The following SPO11 variants were observed in gnomAD, a reference collection of about 807,000 sequenced individuals.
SPO11 encodes the protein meiotic recombination protein SPO11.
SPO11 carries 49 observed loss-of-function variants against 51.6 expected under a neutral mutation model. That is an observed-to-expected ratio of 0.95 (90% CI 0.75 to 1.20). The LOEUF (loss-of-function observed/expected upper bound fraction) is 1.20, where lower values mean the gene tolerates loss of function less well. Among genes scored for constraint, SPO11 ranks in the 50% most tolerant of loss-of-function variants. SPO11 has a pLI of 0.00. For synonymous variants in SPO11, 176 were observed against 158.2 expected (o/e 1.11, Z -0.84); for missense variants, 431 against 473.4 (o/e 0.91, Z 0.83).
chr20:57,342,894 G>A, intron 12 of SPO11, 54 bp downstream of exon 12: 2 of 1,224,206 alleles, frequency 1.6e-6, no homozygotes, highest in East Asian at 2.4e-5. Flanking sequence ...TTTTACTTTA[G>A]TAGTGGCTAT....
At chr20:57,341,423 T>C (rs957989988) in intron 11 of SPO11, among the ~76,000 whole-genome samples, 2 of 152,230 alleles carry the variant, frequency 1.3e-5, no homozygotes, top group Non-Finnish European at 2.9e-5. Context: ...AGTCCACCTG[T>C]CCCTCAGCTT....
chr20:57,332,079 T>C, intron 2 of SPO11, 133 bp downstream of exon 2: 1 of 517,222 alleles, frequency 1.9e-6, no homozygotes, highest in Non-Finnish European at 3.3e-6. Flanking sequence ...TTAGGAAGTT[T>C]ACGAAATACA....
rs1485432310 is a variant in SPO11, at chr20:57,329,851, G to A, written c.-17G>A. ...TAGGACAGGGGCTTCTGGAGCTTCT[G>A]GCAGCCGTCTGCCCTCATGGCCTTT... is the stretch of plus-strand genomic sequence containing the variant. On this transcript the variant is annotated 5_prime_UTR_variant, in exon 1 of 13. Coordinates refer to ENST00000371263, the MANE Select transcript of SPO11 (RefSeq NM_012444.3). 6.2e-7 allele frequency: 1 copy of A among 1,605,842 alleles called. No homozygotes were observed. Among genetic ancestry groups the A allele is most frequent in the East Asian group, 2.2e-5 (1 of 44,722 alleles).
intron 5 of SPO11, among the ~76,000 whole-genome samples, chr20:57,334,389 C>T (rs1020824506): frequency 6.6e-6 from 1 of 152,070 alleles, no homozygotes; most frequent in African/African-American, 2.4e-5. Context: ...CTCCTGACCT[C>T]GTGATCCACC....
chr20:57,338,028 C>T lies in SPO11; in HGVS notation c.745-248C>T, dbSNP rs912649512. Among the ~76,000 whole-genome samples, 3 of 151,866 alleles carry T rather than the reference C, an allele frequency of 2.0e-5. No homozygotes were observed. In the Middle Eastern group the frequency reaches 0.01, roughly 520 times the overall value. ...TCAGCCTCCCGAGTACCTGGGATTA[C>T]AGGCGTGTACCACCACACCTGGCTA... On this transcript the variant is annotated intron_variant, in intron 8 of 12. Coordinates refer to ENST00000371263, the MANE Select transcript of SPO11 (RefSeq NM_012444.3).
intron 11 of SPO11, among the ~76,000 whole-genome samples, chr20:57,341,201 A>G (rs181716081): frequency 1.3e-5 from 2 of 152,332 alleles, no homozygotes; most frequent in African/African-American, 4.8e-5. Flanking sequence ...TTATTCAGCC[A>G]TTCCCTCATA....
intron 8 of SPO11, among the ~76,000 whole-genome samples, chr20:57,336,423 A>G (rs1306452763): frequency 6.6e-6 from 1 of 152,130 alleles, no homozygotes; most frequent in Non-Finnish European, 1.5e-5. Flanking sequence ...ACCACCTGGT[A>G]GCCTCCAGAC....
Position 57,334,784 on chromosome 20 carries a change from T to G in SPO11, c.545T>G (p.Leu182Ter), listed in dbSNP as rs1312355379. The stretch of plus-strand genomic sequence containing the variant: ...TCAAAAGGTTTAATTGCTGGCAACT[T>G]AAGATACATCGAGGAAGATGGCACC... Reference protein sequence around the residue: ...STSKGLIAGNLRYIEEDGTKV... With the variant: ...STSKGLIAGN Residue 182 changes from leucine (L) to a stop codon, truncating the protein, a stop_gained, in exon 6 of 13, where the codon TTA (leucine) becomes TGA (stop). Transcript: ENST00000371263. LOFTEE classifies it high-confidence loss of function. 6.2e-7 allele frequency: 1 copy of G among 1,613,920 alleles called. No homozygotes were observed. The highest frequency in any genetic ancestry group is 8.5e-7 in the Non-Finnish European group (1 of 1,179,878).
At position 57,331,900 on chromosome 20, in the gene SPO11, G is replaced by A. The variant is rs781125742; in HGVS notation, c.199G>A (p.Ala67Thr). Residue 67 changes from alanine (A) to threonine (T), a missense_variant, in exon 2 of 13, where the codon GCA becomes ACA. By Grantham distance (58) the Ala-to-Thr change is moderately conservative (BLOSUM62 0). Around this residue, in one of 3 missense-constraint regions of SPO11, gnomAD observed 405 missense variants for 425.9 expected, o/e 0.95. Coordinates refer to ENST00000371263, the MANE Select transcript of SPO11 (RefSeq NM_012444.3). ...AATCACAAGCTTGGCAAGAAATGAA[G>A]CACCTGCATTCACGATAGACAACAG... ...DIITSLARNE[A>T]PAFTIDNRSS... The A allele has an allele frequency of 6.2e-7, 1 of 1,605,330 alleles. No homozygotes were observed. Among genetic ancestry groups the A allele is most frequent in the East Asian group, 2.2e-5 (1 of 44,490 alleles).
At position 57,335,730 on chromosome 20, in the gene SPO11, C is replaced by T; in HGVS notation, c.635-68C>T. On this transcript the variant is annotated intron_variant, in intron 7 of 12. Coordinates refer to ENST00000371263, the MANE Select transcript of SPO11 (RefSeq NM_012444.3). ...AGCTGCTTTTGAATTATCTATATGG[C>T]ACCTTAATTTAGTTGGTGATTAAAT... 5 of 953,700 alleles carry T rather than the reference C, an allele frequency of 5.2e-6. No individual in the cohort carries two copies. In the East Asian group the frequency reaches 9.8e-5, roughly 19 times the overall value. 59.1% of individuals were successfully genotyped at this position (953,700 alleles called of 1,614,324 possible). A position where few individuals can be genotyped will look rare whatever the true frequency, so the allele number is the denominator to read the frequency against.
At chr20:57,331,688 C>G in intron 1 of SPO11, 145 bp from the exon 2 acceptor site, 2 of 421,012 alleles carry the variant, frequency 4.8e-6, no homozygotes. Flanking sequence ...TTTTTTTTGT[C>G]TTTTTTTAAA....
intron 8 of SPO11, among the ~76,000 whole-genome samples, chr20:57,337,210 G>A (rs2066523235): frequency 6.6e-6 from 1 of 151,858 alleles, no homozygotes; most frequent in Non-Finnish European, 1.5e-5. Context: ...TGTTTCATTT[G>A]GTTTTCTGCT....
At chr20:57,343,295 T>C (rs772080202) in intron 12 of SPO11, 46 bp from the exon 13 acceptor site, 2 of 1,592,262 alleles carry the variant, frequency 1.3e-6, no homozygotes, top group Non-Finnish European at 1.7e-6. Context: ...TTGACAGAAA[T>C]GCAACTAAGA....
At chr20:57,334,139 GT>G (rs1568758803) in intron 5 of SPO11, 44 bp downstream of exon 5, 2 of 926,644 alleles carry the variant, frequency 2.2e-6, no homozygotes, top group South Asian at 4.6e-5. Flanking sequence ...AAAACAAAAT[GT>G]TTGTATAAAA....
intron 4 of SPO11, 54 bp downstream of exon 4, chr20:57,333,807 T>C: frequency 8.9e-7 from 1 of 1,128,998 alleles, no homozygotes; most frequent in Non-Finnish European, 1.3e-6. Flanking sequence ...GAGAAATAGT[T>C]GGATTAACTT....
intron 2 of SPO11, among the ~76,000 whole-genome samples, chr20:57,332,589 A>G (rs899664690): frequency 2.0e-5 from 3 of 152,218 alleles, no homozygotes; most frequent in Admixed American, 1.3e-4. Context: ...TATGATCTAT[A>G]TAAGTAATAT....
chr20:57,332,820 A>T (rs915462479), intron 2 of SPO11, among the ~76,000 whole-genome samples: 1 of 152,206 alleles, frequency 6.6e-6, no homozygotes, highest in Non-Finnish European at 1.5e-5. Context: ...TTATTAAATG[A>T]GTAGGTTATT....
chr20:57,340,322 G>T, intron 11 of SPO11, 144 bp downstream of exon 11: 2 of 546,732 alleles, frequency 3.7e-6, no homozygotes, highest in African/African-American at 1.9e-5. Context: ...ATGTAATTAT[G>T]AATTAAATTC....
chr20:57,334,005 C>A lies in SPO11; in HGVS notation c.420C>A (p.Asp140Glu). 1 of 1,572,094 alleles carries A rather than the reference C, an allele frequency of 6.4e-7. No homozygotes were observed. Among genetic ancestry groups the A allele is most frequent in the Non-Finnish European group, 8.6e-7 (1 of 1,158,084 alleles). Residue 140 changes from aspartate to glutamate, a missense_variant, in exon 5 of 13, where the codon GAC (aspartate) becomes GAA (glutamate). Physicochemically the swap from Asp to Glu is conservative, Grantham distance 45. Around this residue, in one of 3 missense-constraint regions of SPO11, gnomAD observed 405 missense variants for 425.9 expected, o/e 0.95. Transcript: ENST00000371263. ...TTCATAGGGACATATATTACACTGA[C>A]AGTCAACTCTTTGGTAACCAGACTG... The part of the protein sequence containing the change: ...YATKRDIYYT[D>E]SQLFGNQTVV...
Sources: gnomAD v4.1 joint callset for allele counts (sites outside exome capture counted in the v4.1 genomes callset) on GRCh38, gnomAD v4.1.1 for gene constraint, gnomAD v4.1.1 regional missense constraint, MANE v1.5 for transcripts, NCBI Gene and HGNC (gene_info 2026-07-23, HGNC 2026-07-21) for gene names.